The following GPC5 variants were observed in gnomAD, a reference collection of about 807,000 sequenced individuals.
The protein encoded by GPC5 is glypican 5.
In GPC5, 47 loss-of-function variants were observed where a neutral mutation model predicts 53.9. The ratio of observed to expected loss-of-function variants is 0.87; its 90% CI spans 0.69 to 1.11. The LOEUF (loss-of-function observed/expected upper bound fraction) is 1.11, where lower values mean the gene tolerates loss of function less well. Among genes scored for constraint, GPC5 ranks in the 50% most tolerant of loss-of-function variants. The pLI, the probability that GPC5 is intolerant of heterozygous loss-of-function variation, is 0.00. For synonymous variants in GPC5, 286 were observed against 263.3 expected (o/e 1.09, Z -0.84); for missense variants, 748 against 713.1 (o/e 1.05, Z -0.56).
At chr13:92,593,666 T>G (rs567050157) in intron 7 of GPC5, among the ~76,000 whole-genome samples, 2 of 152,016 alleles carry the variant, frequency 1.3e-5, no homozygotes, top group Non-Finnish European at 2.9e-5. Flanking sequence ...CTGACTTTCT[T>G]GAGAAGAAGG....
At chr13:92,700,604 G>A (rs1001056423) in intron 7 of GPC5, among the ~76,000 whole-genome samples, 2 of 152,080 alleles carry the variant, frequency 1.3e-5, no homozygotes, top group Middle Eastern at 3.4e-3. Flanking sequence ...ATGTGTTTCT[G>A]CTTCTATTGC....
At chr13:92,579,239 C>A (rs1341585117) in intron 7 of GPC5, among the ~76,000 whole-genome samples, 10 of 127,750 alleles carry the variant, frequency 7.8e-5, no homozygotes, top group African/African-American at 3.1e-4. Flanking sequence ...CACATTTATG[C>A]TCTCTCCCTC....
At chr13:92,763,229 A>C (rs1043717106) in intron 7 of GPC5, among the ~76,000 whole-genome samples, 1 of 152,128 alleles carries the variant, frequency 6.6e-6, no homozygotes, top group Non-Finnish European at 1.5e-5. Context: ...TAGAACAATC[A>C]TCTCTTCCAA....
At chr13:91,903,957 GTT>G (rs1431831254) in intron 5 of GPC5, among the ~76,000 whole-genome samples, 1 of 151,840 alleles carries the variant, frequency 6.6e-6, no homozygotes, top group Non-Finnish European at 1.5e-5. Context: ...AAGAGTCTCA[GTT>G]TTCATTGCCT....
chr13:92,539,298 G>A (rs1273000917), intron 7 of GPC5, among the ~76,000 whole-genome samples: 2 of 151,910 alleles, frequency 1.3e-5, no homozygotes, highest in African/African-American at 4.8e-5. Context: ...CAGTGTAAAA[G>A]TGTTCCTATT....
chr13:91,963,981 G>A (rs998106163), intron 6 of GPC5, among the ~76,000 whole-genome samples: 2 of 152,104 alleles, frequency 1.3e-5, no homozygotes, highest in African/African-American at 4.8e-5. Context: ...TCTAAAATTA[G>A]AAATACCATT....
chr13:91,597,658 C>T (rs938257842), intron 2 of GPC5, among the ~76,000 whole-genome samples: 1 of 152,124 alleles, frequency 6.6e-6, no homozygotes, highest in Non-Finnish European at 1.5e-5. Context: ...TTGTTAGGTA[C>T]ATGAGGAGGG....
intron 6 of GPC5, among the ~76,000 whole-genome samples, chr13:92,116,086 A>T (rs954285859): frequency 4.6e-5 from 7 of 152,218 alleles, no homozygotes; most frequent in African/African-American, 1.7e-4. Flanking sequence ...AACTATCTCT[A>T]CAAAAAAATC....
At chr13:92,426,498 C>A (rs1403254991) in intron 7 of GPC5, among the ~76,000 whole-genome samples, 1 of 152,024 alleles carries the variant, frequency 6.6e-6, no homozygotes, top group African/African-American at 2.4e-5. Flanking sequence ...GTTCCATATA[C>A]CCTTAGATGG....
At chr13:92,544,596 A>G (rs1236649161) in intron 7 of GPC5, among the ~76,000 whole-genome samples, 2 of 152,008 alleles carry the variant, frequency 1.3e-5, no homozygotes, top group Non-Finnish European at 2.9e-5. Context: ...TGTTTTCCCA[A>G]CACATGTGTC....
chr13:92,609,407 G>A (rs538252678), intron 7 of GPC5, among the ~76,000 whole-genome samples: 1 of 152,072 alleles, frequency 6.6e-6, no homozygotes, highest in Admixed American at 6.5e-5. Flanking sequence ...TGTCTAGCAG[G>A]TTTGTTCTAA....
rs370883582 is a variant in GPC5 at position 91,693,597 on chromosome 13, A to G, written c.736A>G (p.Lys246Glu). The G allele has an allele frequency of 6.8e-6, 11 of 1,613,976 alleles. No homozygotes were observed. In the African/African-American group the frequency reaches 1.5e-4, roughly 22 times the overall value. ...CACCACAGACTATCTGCACTTCTCCAAAGAGTGCAGCAGAGCCCTCCTGAA... is the reference window on the plus strand; with the variant it reads ...CACCACAGACTATCTGCACTTCTCCGAAGAGTGCAGCAGAGCCCTCCTGAA... ...INTTDYLHFS[K>E]ECSRALLKMQ... Residue 246 changes from lysine (K) to glutamate (E), a missense_variant, in exon 3 of 8, where the codon AAA becomes GAA. By Grantham distance (56) the Lys-to-Glu change is moderately conservative. Coordinates refer to ENST00000377067, the MANE Select transcript of GPC5 (RefSeq NM_004466.6).
chr13:91,472,651 TTGTAAATA>T (rs1248356184), intron 2 of GPC5, among the ~76,000 whole-genome samples: 2 of 152,208 alleles, frequency 1.3e-5, no homozygotes, highest in Non-Finnish European at 2.9e-5. Flanking sequence ...GTAAGACTGT[TTGTAAATA>T]TGTAAATATG....
intron 7 of GPC5, among the ~76,000 whole-genome samples, chr13:92,538,041 A>G (rs1881781077): frequency 6.6e-6 from 1 of 152,102 alleles, no homozygotes; most frequent in African/African-American, 2.4e-5. Context: ...TTTCTTTAAA[A>G]TTACACTGGA....
intron 7 of GPC5, among the ~76,000 whole-genome samples, chr13:92,694,790 A>T (rs923744323): frequency 6.6e-6 from 1 of 152,154 alleles, no homozygotes. Context: ...GTGTTTTGAA[A>T]TGTGAAAATG....
Position 91,693,851 on chromosome 13 carries a change from T to G in GPC5, c.990T>G (p.Ala330=). The change falls in exon 3 of 8, where the codon GCT becomes GCG. Residue 330 remains alanine (A), a synonymous_variant. Transcript: ENST00000377067. ...TTGTTAATGATGCTGTGTTACAGGC[T>G]CACCTCAATGGACAAAAATTATTGG... ...HLLVNDAVLQ[A]HLNGQKLLEQ... 1.2e-6 allele frequency: 2 copies of G among 1,603,554 alleles called. No homozygotes were observed. The highest frequency in any genetic ancestry group is 1.1e-5 in the South Asian group (1 of 90,874).
chr13:92,351,489 G>GT (rs1359431294), intron 7 of GPC5, among the ~76,000 whole-genome samples: 8 of 151,790 alleles, frequency 5.3e-5, no homozygotes, highest in African/African-American at 1.9e-4. Context: ...GTTCAACATT[G>GT]TTTCAAGGCC....
intron 7 of GPC5, among the ~76,000 whole-genome samples, chr13:92,713,885 A>T (rs1324007529): frequency 6.6e-6 from 1 of 152,178 alleles, no homozygotes; most frequent in East Asian, 1.9e-4. Context: ...CCGTTCTGGT[A>T]AGGAGTGTAG....
At chr13:92,692,069 C>T (rs181512920) in intron 7 of GPC5, among the ~76,000 whole-genome samples, 2 of 152,066 alleles carry the variant, frequency 1.3e-5, no homozygotes, top group South Asian at 2.1e-4. Flanking sequence ...ATTGTTCCCA[C>T]CTTTATATCC....
Sources: gnomAD v4.1 joint callset for allele counts (sites outside exome capture counted in the v4.1 genomes callset) on GRCh38, gnomAD v4.1.1 for gene constraint, MANE v1.5 for transcripts, NCBI Gene and HGNC (gene_info 2026-07-23, HGNC 2026-07-21) for gene names.